ROBO2: variants seen among roughly 807,000 people sequenced by gnomAD.
ROBO2 encodes the protein roundabout homolog 2.
In ROBO2, 53 loss-of-function variants were observed where a neutral mutation model predicts 160.8. The observed-to-expected ratio is 0.33, with a 90% confidence interval of 0.26 to 0.41. The LOEUF is 0.41. Ranked by LOEUF, ROBO2 falls within the 10% of genes least tolerant of loss-of-function variation. The probability of loss-of-function intolerance (pLI) is 1.00; values close to 1 mark genes in which losing one functional copy is unlikely to be tolerated. For missense variants in ROBO2, 1,577 were observed against 1,722.4 expected, an observed-to-expected ratio of 0.92 and a Z score of 1.49; for synonymous variants, 664 against 611.7, an observed-to-expected ratio of 1.09 and a Z score of -1.26.
At chr3:76,996,829 G>A (rs1000807131) in intron 2 of ROBO2, among the ~76,000 whole-genome samples, 1 of 152,052 alleles carries the variant, frequency 6.6e-6, no homozygotes, top group Non-Finnish European at 1.5e-5. Flanking sequence ...CTATTTTGGT[G>A]GCTTCTGGGT....
At chr3:76,336,171 T>A (rs745803273) in intron 2 of ROBO2, among the ~76,000 whole-genome samples, 13 of 152,202 alleles carry the variant, frequency 8.5e-5, no homozygotes, top group Non-Finnish European at 1.3e-4. Context: ...CTTGTTCTCA[T>A]TGACCTGGTT....
chr3:76,487,149 A>ATT (rs66948422), intron 2 of ROBO2, among the ~76,000 whole-genome samples: 3,540 of 147,074 alleles, frequency 0.024, 61 homozygotes, highest in South Asian at 0.049. Flanking sequence ...TTTTAATTTA[A>ATT]TTTTTTTTTT....
intron 9 of ROBO2, among the ~76,000 whole-genome samples, chr3:77,559,703 A>G (rs2093257059): frequency 6.6e-6 from 1 of 152,172 alleles, no homozygotes; most frequent in Admixed American, 6.6e-5. Context: ...TTATATGTTT[A>G]TCTGATTATC....
chr3:76,055,432 C>T (rs1469352734), intron 2 of ROBO2, among the ~76,000 whole-genome samples: 1 of 152,154 alleles, frequency 6.6e-6, no homozygotes, highest in Non-Finnish European at 1.5e-5. Context: ...ACTTCTAGTG[C>T]ACCTGTCACC....
chr3:77,595,276 C>A (rs2153687671), intron 18 of ROBO2, 92 bp downstream of exon 19: 1 of 991,314 alleles, frequency 1.0e-6, no homozygotes, highest in Non-Finnish European at 1.5e-6. Flanking sequence ...AATAAATGAT[C>A]ACTTAAAAGT....
chr3:77,390,502 C>T (rs2153500086), intron 2 of ROBO2, among the ~76,000 whole-genome samples: 1 of 152,138 alleles, frequency 6.6e-6, no homozygotes, highest in African/African-American at 2.4e-5. Context: ...AGGGAAGTTT[C>T]CCTACATAAT....
chr3:76,067,665 G>A (rs2068301384), intron 2 of ROBO2, among the ~76,000 whole-genome samples: 2 of 152,018 alleles, frequency 1.3e-5, no homozygotes, highest in Admixed American at 6.6e-5. Context: ...TTCCAATTAC[G>A]AAGTAGGAAA....
intron 2 of ROBO2, among the ~76,000 whole-genome samples, chr3:76,986,356 T>C (rs560450221): frequency 6.6e-6 from 1 of 152,272 alleles, no homozygotes; most frequent in African/African-American, 2.4e-5. Flanking sequence ...AAGATGTAGG[T>C]CAAATTCTAG....
At chr3:77,442,847 C>G (rs191577938) in intron 2 of ROBO2, among the ~76,000 whole-genome samples, 21 of 152,264 alleles carry the variant, frequency 1.4e-4, no homozygotes, top group African/African-American at 5.1e-4. Flanking sequence ...AATGGTTTTG[C>G]AAGCCTTACA....
chr3:76,159,284 C>T (rs777725339), intron 2 of ROBO2, among the ~76,000 whole-genome samples: 15 of 152,138 alleles, frequency 9.9e-5, no homozygotes, highest in Admixed American at 2.0e-4. Flanking sequence ...CATACAAGCC[C>T]ATGAAACACA....
chr3:76,763,295 C>T (rs897727468), intron 2 of ROBO2, among the ~76,000 whole-genome samples: 3 of 151,562 alleles, frequency 2.0e-5, no homozygotes, highest in Non-Finnish European at 4.4e-5. Context: ...TTGTGAGGCT[C>T]AAAGTGAAAT....
At chr3:75,920,860 T>C (rs111824652) in intron 1 of ROBO2, among the ~76,000 whole-genome samples, 1 of 152,066 alleles carries the variant, frequency 6.6e-6, no homozygotes, top group Admixed American at 6.5e-5. Context: ...CTGCTTTTTT[T>C]TTTCTTTCTT....
In ROBO2 at chr3:76,609,775, G is replaced by A. The variant is rs576112398; in HGVS notation, c.110-488239G>A. Among the ~76,000 whole-genome samples, 7 of 152,278 alleles carry A rather than the reference G, an allele frequency of 4.6e-5. No homozygotes were observed. In the South Asian group the frequency reaches 1.4e-3, roughly 32 times the overall value. On this transcript the variant is annotated intron_variant, in intron 2 of 26. Transcript: ENST00000487694. Reference sequence around the variant, plus strand: ...ACTATGTTGAATAACAGTGTTGAAAGTGGACATCCTTGTCTTCTTCCAGAT... The same window carrying A: ...ACTATGTTGAATAACAGTGTTGAAAATGGACATCCTTGTCTTCTTCCAGAT...
intron 2 of ROBO2, among the ~76,000 whole-genome samples, chr3:76,392,027 C>T (rs1011052413): frequency 1.3e-5 from 2 of 152,070 alleles, no homozygotes; most frequent in Admixed American, 6.6e-5. Context: ...TATGAGCATT[C>T]TTATTCAGGG....
At chr3:77,065,792 G>A (rs1396735300) in intron 1 of ROBO2, among the ~76,000 whole-genome samples, 1 of 152,014 alleles carries the variant, frequency 6.6e-6, no homozygotes, top group African/African-American at 2.4e-5. Context: ...GCTATTATGG[G>A]ATATACAAAT....
intron 2 of ROBO2, among the ~76,000 whole-genome samples, chr3:76,774,490 T>G (rs1009501994): frequency 6.6e-6 from 1 of 150,892 alleles, no homozygotes; most frequent in Non-Finnish European, 1.5e-5. Context: ...CTTCCCATTT[T>G]CTGGTGAATC....
At chr3:76,054,333 T>A (rs989837166) in intron 2 of ROBO2, among the ~76,000 whole-genome samples, 1 of 152,164 alleles carries the variant, frequency 6.6e-6, no homozygotes, top group Admixed American at 6.5e-5. Context: ...CTACCTCCAA[T>A]AATTGGAAAA....
intron 2 of ROBO2, among the ~76,000 whole-genome samples, chr3:76,233,024 C>T (rs1704715367): frequency 1.3e-5 from 2 of 152,136 alleles, no homozygotes; most frequent in Admixed American, 1.3e-4. Context: ...AATTTTGAGT[C>T]ATGGATTACT....
intron 2 of ROBO2, among the ~76,000 whole-genome samples, chr3:76,944,894 G>GC (rs1229925447): frequency 1.3e-5 from 2 of 151,154 alleles, no homozygotes; most frequent in Non-Finnish European, 2.9e-5. Context: ...TGCTGTGATG[G>GC]CTTTTTTTTT....
Sources: allele counts gnomAD v4.1 joint callset (sites outside exome capture counted in the v4.1 genomes callset), GRCh38; gene constraint gnomAD v4.1.1; transcripts MANE v1.5; gene names NCBI Gene and HGNC (gene_info 2026-07-23, HGNC 2026-07-21).